TAOK2: variants seen among roughly 807,000 people sequenced by gnomAD.
The protein encoded by TAOK2 is serine/threonine-protein kinase TAO2.
TAOK2 carries 42 observed loss-of-function variants against 122.5 expected under a neutral mutation model. The observed-to-expected ratio is 0.34, with a 90% CI of 0.27 to 0.44. The LOEUF (loss-of-function observed/expected upper bound fraction) is 0.44, where lower values mean the gene tolerates loss of function less well. Ranked by LOEUF, TAOK2 falls within the 20% of genes least tolerant of loss-of-function variation. The pLI, the probability that TAOK2 is intolerant of heterozygous loss-of-function variation, is 1.00. For missense variants in TAOK2, 1,264 were observed against 1,644.9 expected (o/e 0.77, Z 4.01); for synonymous variants, 704 against 677.6 (o/e 1.04, Z -0.61).
Position 29,985,065 on chromosome 16 carries a change from A to C in TAOK2, c.1423-148A>C. On this transcript the variant is annotated intron_variant, in intron 13 of 15. Transcript: ENST00000308893. The surrounding 1 kb of genome is among the most constrained non-coding windows in gnomAD (Gnocchi z 6.9). ...ATCACCATTATCCAGTTGAGGAAAC[A>C]GGCTAGAGTGGCCGTGTGTGAGGAA... 9.9e-7 allele frequency: 1 copy of C among 1,010,368 alleles called. No individual in the cohort carries two copies. Among genetic ancestry groups the C allele is most frequent in the Non-Finnish European group, 1.3e-6 (1 of 748,476 alleles). The allele number at this position is 1,010,368 out of a possible 1,614,324, so 62.6% of individuals were successfully genotyped here.
intron 9 of TAOK2, 22 bp from the exon 10 acceptor site, chr16:29,981,837 C>CAAA: frequency 6.4e-7 from 1 of 1,551,584 alleles, no homozygotes. Context: ...CCACCCCTCT[C>CAAA]CCACCCTCCT....
Position 29,988,304 on chromosome 16 carries a change from G to T in TAOK2, c.*324G>T, listed in dbSNP as rs2069879683. The T allele has an allele frequency of 3.5e-6, 5 of 1,442,066 alleles. No homozygotes were observed. The highest frequency in any genetic ancestry group is 4.6e-6 in the Non-Finnish European group (5 of 1,092,898). The allele number at this position is 1,442,066 out of a possible 1,614,324, so 89.3% of individuals were successfully genotyped here. ...GAGTCATGTTTTTTTTCTCCTCTTT[G>T]ATTTTGTTTTTCTGTCTCCCTTCCA... On this transcript the variant is annotated 3_prime_UTR_variant, in exon 16 of 16. Coordinates refer to ENST00000308893, the MANE Select transcript of TAOK2 (RefSeq NM_016151.4).
downstream of TAOK2, chr16:29,991,876 A>G: frequency 6.5e-6 from 2 of 305,362 alleles, no homozygotes; most frequent in South Asian, 2.1e-4. The surrounding 1 kb of genome is among the most constrained non-coding windows in gnomAD (Gnocchi z 5.6). Context: ...GGGGGAGGGG[A>G]AGGGTGGGTC....
intron 8 of TAOK2, chr16:29,980,636 C>G (rs972473386): frequency 6.6e-6 from 1 of 152,132 alleles, no homozygotes; most frequent in Non-Finnish European, 1.5e-5. Flanking sequence ...CCCTTCTCCT[C>G]CATCTTCACA....
chr16:29,989,135 G>A, downstream of TAOK2: 2 of 985,278 alleles, frequency 2.0e-6, no homozygotes, highest in African/African-American at 1.7e-5. Context: ...TTGTGTGACT[G>A]GTTCTTCTCG....
rs763583385 is a variant in TAOK2, at chr16:29,986,809, T to C, written c.2537T>C (p.Ile846Thr). 12 of 1,613,888 alleles carry C rather than the reference T, an allele frequency of 7.4e-6. No homozygotes were observed. Among genetic ancestry groups the C allele is most frequent in the South Asian group, 2.2e-5 (2 of 91,064 alleles). ...DEEVWGLPEE[I>T]EELRVPSLVP... ...GAAGTTTGGGGTCTGCCTGAGGAGA[T>C]AGAGGAGCTTAGGGTGCCCTCCCTT... The change falls in exon 16 of 16, where the codon ATA becomes ACA. Residue 846 changes from isoleucine to threonine, a missense_variant. Transcript: ENST00000308893. This position sits in a 1 kb window ranked among gnomAD's most constrained non-coding sequence, Gnocchi z 4.2.
At position 29,983,683 on chromosome 16, in the gene TAOK2, A is replaced by G. The variant is rs753103559; in HGVS notation, c.1422+19A>G. ...CTCCCTGGTGAGTGTAGCCATCCTC[A>G]CTCAGCCTGCTCGCTGTCTGTTTTT... On this transcript the variant is annotated intron_variant, in intron 13 of 15. Coordinates refer to ENST00000308893, the MANE Select transcript of TAOK2 (RefSeq NM_016151.4). 3 of 1,590,378 alleles carry G rather than the reference A, an allele frequency of 1.9e-6. No individual in the cohort carries two copies. The highest frequency in any genetic ancestry group is 2.7e-5 in the African/African-American group (2 of 74,130).
intron 13 of TAOK2, 142 bp downstream of exon 13, chr16:29,983,806 C>T: frequency 7.7e-7 from 1 of 1,295,504 alleles, no homozygotes; most frequent in Non-Finnish European, 1.1e-6. Flanking sequence ...GCCTGCTCCC[C>T]TTAACCCTCC....
chr16:29,983,485 C>T lies in TAOK2; in HGVS notation c.1261-18C>T, dbSNP rs867830605. The T allele has an allele frequency of 1.3e-6, 2 of 1,595,466 alleles. No homozygotes were observed. The highest frequency in any genetic ancestry group is 8.6e-7 in the Non-Finnish European group (1 of 1,167,204). On this transcript the variant is annotated intron_variant, in intron 12 of 15. Transcript: ENST00000308893. ...CAGTGGCCTCTGAGCCTTGGGTGTT[C>T]CTTCTATCTCCCTCTAGGGCTCTGA...
downstream of TAOK2, chr16:29,990,735 G>T (rs2069945895): frequency 6.5e-7 from 1 of 1,549,426 alleles, no homozygotes; most frequent in African/African-American, 1.4e-5. Context: ...GGGGAGGATA[G>T]TGGGGGTGGG....
Position 29,987,568 on chromosome 16 carries a change from C to T in TAOK2, c.3296C>T (p.Ala1099Val). The part of the protein sequence containing the change: ...LLRLSPMAFR[A>V]LQGCGAVGDR... ...CGCCTGTCACCCATGGCCTTCCGGG[C>T]CCTGCAGGGCTGTGGGGCTGTGGGG... The change falls in exon 16 of 16, where the codon GCC becomes GTC. Residue 1099 changes from alanine (A) to valine (V), a missense_variant. Coordinates refer to ENST00000308893, the MANE Select transcript of TAOK2 (RefSeq NM_016151.4). The T allele has an allele frequency of 2.5e-6, 4 of 1,612,654 alleles. No individual in the cohort carries two copies. The highest frequency in any genetic ancestry group is 2.5e-6 in the Non-Finnish European group (3 of 1,179,090).
chr16:29,989,552 C>A (rs764353205), downstream of TAOK2: 1 of 1,610,200 alleles, frequency 6.2e-7, no homozygotes. Flanking sequence ...TCCTCCTCTT[C>A]CCCGCTGCCC....
chr16:29,982,154 T>G (rs555167453), intron 10 of TAOK2, among the ~76,000 whole-genome samples: 19 of 152,348 alleles, frequency 1.2e-4, no homozygotes, highest in Middle Eastern at 3.4e-3. Flanking sequence ...TTTTCCCTTC[T>G]TTTATTAATC....
chr16:29,979,091 G>A lies in TAOK2; in HGVS notation c.449+21G>A, dbSNP rs370624974. 6 of 1,613,832 alleles carry A rather than the reference G, an allele frequency of 3.7e-6. No individual in the cohort carries two copies. The highest frequency in any genetic ancestry group is 5.1e-6 in the Non-Finnish European group (6 of 1,179,726). On this transcript the variant is annotated intron_variant, in intron 6 of 15. Transcript: ENST00000308893. This position sits in a 1 kb window ranked among gnomAD's most constrained non-coding sequence, Gnocchi z 4.1. ...CATAGGTACAAGCAGCACCGGCAGTGCCTGGGAGGGGAGTGCTATCTGCAC... is the reference window on the plus strand; with the variant it reads ...CATAGGTACAAGCAGCACCGGCAGTACCTGGGAGGGGAGTGCTATCTGCAC...
chr16:29,985,607 C>T lies in TAOK2; in HGVS notation c.1788+29C>T, dbSNP rs770156160. On this transcript the variant is annotated intron_variant, in intron 14 of 15. Coordinates refer to ENST00000308893, the MANE Select transcript of TAOK2 (RefSeq NM_016151.4). This position sits in a 1 kb window ranked among gnomAD's most constrained non-coding sequence, Gnocchi z 6.9. Reference sequence around the variant, plus strand: ...AGCTAGGGCTGCTTGGGGGCGGAGCCGATGGCGAGCCAGGTGGGTCCTGAC... The same window carrying T: ...AGCTAGGGCTGCTTGGGGGCGGAGCTGATGGCGAGCCAGGTGGGTCCTGAC... The T allele has an allele frequency of 6.2e-6, 10 of 1,603,050 alleles. No individual in the cohort carries two copies. Among genetic ancestry groups the T allele is most frequent in the South Asian group, 2.2e-5 (2 of 90,356 alleles).
rs777383420 is a variant in TAOK2 at position 29,987,574 on chromosome 16, AGGGCTGTG to A, written c.3314_3321del (p.Ala1105GlyfsTer29). 3.5e-5 allele frequency: 56 copies of A among 1,612,446 alleles called. No homozygotes were observed. The highest frequency in any genetic ancestry group is 9.3e-6 in the Non-Finnish European group (11 of 1,179,140). ...TCACCCATGGCCTTCCGGGCCCTGC[AGGGCTGTG>A]GGGCTGTGGGGGACCGGGGTCTGTT... is the stretch of plus-strand genomic sequence containing the variant. On this transcript the variant is annotated frameshift_variant, in exon 16 of 16. Transcript: ENST00000308893. LOFTEE classifies it high-confidence loss of function.
At position 29,974,384 on chromosome 16, in the gene TAOK2, C is replaced by G. The variant is rs2150874335; in HGVS notation, c.-300C>G. The G allele has an allele frequency of 1.3e-5, 2 of 152,764 alleles. No homozygotes were observed. Among genetic ancestry groups the G allele is most frequent in the Admixed American group, 1.3e-4 (2 of 15,304 alleles). The allele number at this position is 152,764 out of a possible 1,614,324, so 9.5% of individuals were successfully genotyped here. On this transcript the variant is annotated 5_prime_UTR_variant, in exon 1 of 16. Coordinates refer to ENST00000308893, the MANE Select transcript of TAOK2 (RefSeq NM_016151.4). ...TCAGTCTCCATCCCGTTCAGATATT[C>G]GGGGTTCAGACCCCACAATCAGAAA...
At position 29,987,375 on chromosome 16, in the gene TAOK2, C is replaced by T. The variant is rs1223048815; in HGVS notation, c.3103C>T (p.Arg1035Cys). ...GGGGGCCGTCCTGGGCCTGAGCTGG[C>T]GCCGAGGCCTCATGGGTGTTCCCCT... The part of the protein sequence containing the change: ...ALGAVLGLSW[R>C]RGLMGVPLGL... Residue 1035 changes from arginine to cysteine, a missense_variant, in exon 16 of 16, where the codon CGC (arginine) becomes TGC (cysteine). Physicochemically the swap from Arg to Cys is radical, Grantham distance 180 (BLOSUM62 -3). Coordinates refer to ENST00000308893, the MANE Select transcript of TAOK2 (RefSeq NM_016151.4). 10 of 1,598,188 alleles carry T rather than the reference C, an allele frequency of 6.3e-6. No individual in the cohort carries two copies. The highest frequency in any genetic ancestry group is 2.2e-5 in the South Asian group (2 of 89,688).
chr16:29,981,457 A>T (rs1479597169), intron 8 of TAOK2: 11 of 634,078 alleles, frequency 1.7e-5, no homozygotes, highest in Non-Finnish European at 2.6e-5. Flanking sequence ...CCCCTATTCC[A>T]CCCGTGTGCA....
Sources: allele counts gnomAD v4.1 joint callset (sites outside exome capture counted in the v4.1 genomes callset), GRCh38; gene constraint gnomAD v4.1.1; non-coding constraint Gnocchi (gnomAD v3.1); transcripts MANE v1.5; gene names NCBI Gene and HGNC (gene_info 2026-07-23, HGNC 2026-07-21).